XRN2: variants seen among roughly 807,000 people sequenced by gnomAD.
The protein encoded by XRN2 is DHM1-like protein.
In XRN2, 44 loss-of-function variants were observed where a neutral mutation model predicts 138.5. That is an observed-to-expected ratio of 0.32 (90% CI 0.25 to 0.41). The LOEUF (loss-of-function observed/expected upper bound fraction) is 0.41. Ranked by LOEUF, XRN2 falls within the 10% of genes least tolerant of loss-of-function variation. The pLI is 1.00. For synonymous variants in XRN2, 354 were observed against 369.4 expected (o/e 0.96, Z 0.48); for missense variants, 937 against 1,169.3 (o/e 0.80, Z 2.90).
intron 16 of XRN2, among the ~76,000 whole-genome samples, chr20:21,345,499 T>C (rs2038424837): frequency 6.6e-6 from 1 of 152,180 alleles, no homozygotes; most frequent in African/African-American, 2.4e-5. Context: ...ATATGTGAAA[T>C]CTGGCACATG....
chr20:21,336,422 A>C (rs898298022), intron 13 of XRN2, among the ~76,000 whole-genome samples: 1 of 152,214 alleles, frequency 6.6e-6, no homozygotes, highest in African/African-American at 2.4e-5. Flanking sequence ...GGATCATGCT[A>C]CTGCACTCCA....
chr20:21,351,231 G>C (rs1237297206), intron 20 of XRN2, among the ~76,000 whole-genome samples: 1 of 152,096 alleles, frequency 6.6e-6, no homozygotes, highest in Non-Finnish European at 1.5e-5. Context: ...ATGTACAAGA[G>C]TTCAGATTTC....
intron 14 of XRN2, among the ~76,000 whole-genome samples, chr20:21,339,512 C>T (rs1002637382): frequency 2.0e-5 from 3 of 152,178 alleles, no homozygotes; most frequent in African/African-American, 7.2e-5. Context: ...CCTCAGAATC[C>T]AATTCTGTCT....
At chr20:21,371,980 A>G (rs1337928058) in intron 27 of XRN2, among the ~76,000 whole-genome samples, 1 of 152,204 alleles carries the variant, frequency 6.6e-6, no homozygotes, top group Non-Finnish European at 1.5e-5. Flanking sequence ...CTTATTTGCC[A>G]TTGTTGTGGC....
At chr20:21,314,994 T>TAA (rs1178175927) in intron 1 of XRN2, among the ~76,000 whole-genome samples, 3 of 152,190 alleles carry the variant, frequency 2.0e-5, no homozygotes, top group Admixed American at 2.0e-4. Context: ...GGGCCACACT[T>TAA]ACATGGCGGG....
intron 24 of XRN2, among the ~76,000 whole-genome samples, chr20:21,364,474 C>A (rs2038671786): frequency 6.6e-6 from 1 of 152,106 alleles, no homozygotes; most frequent in African/African-American, 2.4e-5. Context: ...AGAAGTTCGA[C>A]CCAGCTTATA....
chr20:21,310,895 C>T (rs1332143651), intron 1 of XRN2, among the ~76,000 whole-genome samples: 1 of 151,998 alleles, frequency 6.6e-6, no homozygotes, highest in Non-Finnish European at 1.5e-5. Flanking sequence ...CAGGCGCCCG[C>T]CACCACGCCC....
In XRN2 at chr20:21,356,099, A is replaced by G; in HGVS notation, c.2040A>G (p.Gly680=). 1 of 1,612,438 alleles carries G rather than the reference A, an allele frequency of 6.2e-7. No individual in the cohort carries two copies. The highest frequency in any genetic ancestry group is 8.5e-7 in the Non-Finnish European group (1 of 1,179,060). Residue 680 remains glycine (G), a synonymous_variant, in exon 22 of 30, where the codon GGA becomes GGG. Transcript: ENST00000377191. Reference sequence around the variant, plus strand: ...CCCTAGCCAGAAGAAACAGCCTTGGAGGTGATGTCTTATTTGTGGGGAAAC... The same window carrying G: ...CCCTAGCCAGAAGAAACAGCCTTGGGGGTGATGTCTTATTTGTGGGGAAAC... The part of the protein sequence containing the change: ...TPEETRRNSL[G]GDVLFVGKHH...
chr20:21,339,772 A>G (rs2038347561), intron 14 of XRN2, among the ~76,000 whole-genome samples: 1 of 152,192 alleles, frequency 6.6e-6, no homozygotes. Context: ...TATGTCTGAT[A>G]CATGTTTTCT....
In XRN2 at chr20:21,344,038, AT is replaced by A. The variant is rs1301137924; in HGVS notation, c.1411-51del. On this transcript the variant is annotated intron_variant, in intron 15 of 29. Transcript: ENST00000377191. ...TAGTGGTGGTTGGATGTACCTTCTTATGTAAAATGAATAATGAAATCCTTCT... is the reference window on the plus strand; with the variant it reads ...TAGTGGTGGTTGGATGTACCTTCTTAGTAAAATGAATAATGAAATCCTTCT... 1.3e-5 allele frequency: 18 copies of A among 1,377,210 alleles called. No individual in the cohort carries two copies. In the East Asian group the frequency reaches 3.7e-4, roughly 28 times the overall value. 85.3% of individuals were successfully genotyped at this position (1,377,210 alleles called of 1,614,324 possible). A position where few individuals can be genotyped will look rare whatever the true frequency, so the allele number is the denominator to read the frequency against.
intron 29 of XRN2, among the ~76,000 whole-genome samples, chr20:21,387,633 A>T (rs2038949685): frequency 1.3e-5 from 2 of 152,204 alleles, no homozygotes; most frequent in Non-Finnish European, 2.9e-5. Context: ...ACTGAGGTCT[A>T]TTTGACATAA....
chr20:21,360,846 T>TAATTTGGTTA (rs1213434725), intron 24 of XRN2, among the ~76,000 whole-genome samples: 1 of 152,182 alleles, frequency 6.6e-6, no homozygotes, highest in Admixed American at 6.5e-5. Context: ...TTTCGATGCT[T>TAATTTGGTTA]AATTGGTTAA....
At chr20:21,334,237 A>G in intron 13 of XRN2, 52 bp downstream of exon 13, 1 of 1,413,994 alleles carries the variant, frequency 7.1e-7, no homozygotes, top group Non-Finnish European at 9.9e-7. Context: ...CTAATAGGCT[A>G]TGATGATCCT....
intron 1 of XRN2, chr20:21,303,783 C>T (rs913321233): frequency 1.9e-5 from 21 of 1,130,856 alleles, no homozygotes; most frequent in South Asian, 3.5e-5. Context: ...TTTGTTTCCT[C>T]TCCAGACCGC....
At chr20:21,324,401 C>T (rs1460643699) in intron 1 of XRN2, among the ~76,000 whole-genome samples, 2 of 152,070 alleles carry the variant, frequency 1.3e-5, no homozygotes, top group Non-Finnish European at 2.9e-5. Flanking sequence ...CTTTGCTTTT[C>T]ACCATGCTTT....
Position 21,348,131 on chromosome 20 carries a change from T to G in XRN2, c.1666-15T>G. 1 of 1,580,380 alleles carries G rather than the reference T, an allele frequency of 6.3e-7. No homozygotes were observed. Among genetic ancestry groups the G allele is most frequent in the East Asian group, 2.2e-5 (1 of 44,650 alleles). On this transcript the variant is annotated splice_polypyrimidine_tract_variant and intron_variant, in intron 17 of 29. Coordinates refer to ENST00000377191, the MANE Select transcript of XRN2 (RefSeq NM_012255.5). ...TAGGTTTTTGATTTTGTTGTTACTT[T>G]TTTAATGATTCTAGGGCTGTGCTTC...
At chr20:21,357,527 A>AT (rs1480449641) in intron 23 of XRN2, among the ~76,000 whole-genome samples, 2 of 152,030 alleles carry the variant, frequency 1.3e-5, no homozygotes, top group Non-Finnish European at 2.9e-5. Context: ...TACTAATGAG[A>AT]TTGAATGCCT....
intron 23 of XRN2, among the ~76,000 whole-genome samples, chr20:21,357,206 A>C (rs994744605): frequency 6.6e-6 from 1 of 152,228 alleles, no homozygotes; most frequent in Non-Finnish European, 1.5e-5. Flanking sequence ...AAATATAACC[A>C]CTATAAACAA....
intron 1 of XRN2, among the ~76,000 whole-genome samples, chr20:21,324,863 A>G (rs1441034423): frequency 6.6e-6 from 1 of 152,218 alleles, no homozygotes; most frequent in African/African-American, 2.4e-5. Flanking sequence ...TGACCTGCTG[A>G]AAGTGTATGA....
Sources: gnomAD v4.1 joint callset for allele counts (sites outside exome capture counted in the v4.1 genomes callset) on GRCh38, gnomAD v4.1.1 for gene constraint, MANE v1.5 for transcripts, NCBI Gene and HGNC (gene_info 2026-07-23, HGNC 2026-07-21) for gene names.